TMEM59: variants seen among roughly 807,000 people sequenced by gnomAD.
TMEM59 encodes the protein dendritic cell factor 1.
A neutral mutation model predicts 42.2 loss-of-function variants in TMEM59; 44 were observed. The observed-to-expected ratio is 1.04, with a 90% CI of 0.82 to 1.34. The LOEUF (loss-of-function observed/expected upper bound fraction) is 1.34, where lower values mean the gene tolerates loss of function less well. TMEM59 is among the 40% of genes most tolerant of loss of function. TMEM59 has a pLI of 0.00. For missense variants in TMEM59, 359 were observed against 382.8 expected (o/e 0.94, Z 0.52); for synonymous variants, 148 against 145.8 (o/e 1.02, Z -0.11).
At chr1:54,038,628 G>A (rs978153921) in intron 6 of TMEM59, among the ~76,000 whole-genome samples, 2 of 152,116 alleles carry the variant, frequency 1.3e-5, no homozygotes, top group Non-Finnish European at 2.9e-5. Flanking sequence ...ATGTAATCAT[G>A]GAAAAATCAT....
At chr1:54,047,119 C>T (rs1569963851) in intron 2 of TMEM59, 148 bp downstream of exon 2, 5 of 602,284 alleles carry the variant, frequency 8.3e-6, no homozygotes, top group South Asian at 2.8e-5. Context: ...GCAGCAGCTA[C>T]GAAAACTCTT....
At chr1:54,042,290 G>A (rs769702286) in intron 4 of TMEM59, among the ~76,000 whole-genome samples, 5 of 151,990 alleles carry the variant, frequency 3.3e-5, no homozygotes, top group Middle Eastern at 3.2e-3. Flanking sequence ...TTTACATCTT[G>A]TGTATAGTTC....
chr1:54,046,835 T>G (rs1215943969), intron 2 of TMEM59, among the ~76,000 whole-genome samples: 1 of 152,266 alleles, frequency 6.6e-6, no homozygotes, highest in Non-Finnish European at 1.5e-5. Context: ...CTCTGGCTAC[T>G]TATTTTAATG....
At chr1:54,053,431 C>A (rs886083711), upstream of TMEM59, 1 of 535,452 alleles carries the variant, frequency 1.9e-6, no homozygotes, top group Admixed American at 3.4e-5. Context: ...TAGCGCGAAG[C>A]GGGGCCTCCT....
At chr1:54,037,616 C>T (rs1656994551) in intron 6 of TMEM59, among the ~76,000 whole-genome samples, 1 of 152,216 alleles carries the variant, frequency 6.6e-6, no homozygotes, top group Admixed American at 6.5e-5. Flanking sequence ...TCATCCAACA[C>T]TGCCTAGTAA....
chr1:54,045,742 G>C lies in TMEM59; in HGVS notation c.340C>G (p.His114Asp). 1 of 1,614,060 alleles carries C rather than the reference G, an allele frequency of 6.2e-7. No individual in the cohort carries two copies. Among genetic ancestry groups the C allele is most frequent in the Non-Finnish European group, 8.5e-7 (1 of 1,179,994 alleles). Residue 114 changes from histidine (H) to aspartate (D), a missense_variant, in exon 3 of 8, where the codon CAT becomes GAT. Transcript: ENST00000234831. ...YSQSDEQYACHLGCQNQLPFA... is the reference protein window; with the variant it reads ...YSQSDEQYACDLGCQNQLPFA... The stretch of plus-strand genomic sequence containing the variant: ...GGCAGCTGATTCTGGCAACCAAGAT[G>C]GCAAGCATATTGCTCATCAGATTGG...
chr1:54,039,101 G>A (rs957212276), intron 6 of TMEM59, among the ~76,000 whole-genome samples: 1 of 152,054 alleles, frequency 6.6e-6, no homozygotes, highest in South Asian at 2.1e-4. Flanking sequence ...TCCCACCTTG[G>A]CCTTCCAAAG....
intron 1 of TMEM59, among the ~76,000 whole-genome samples, chr1:54,049,113 G>A (rs1169763045): frequency 6.6e-6 from 1 of 152,056 alleles, no homozygotes; most frequent in East Asian, 1.9e-4. Context: ...TACCAATTTC[G>A]GAAAACCATA....
chr1:54,045,677 A>G lies in TMEM59; in HGVS notation c.390+15T>C, dbSNP rs79474653. 977 of 1,613,336 alleles carry G rather than the reference A, an allele frequency of 6.1e-4. 4 individuals are homozygous for G. The African/African-American group carries it at 0.012, about 19-fold the overall frequency. ...ATCTAAGCAGGCTAGTTTGAAAGGC[A>G]GTATTGTTTCGTACTTGTTCTTGTC... On this transcript the variant is annotated intron_variant, in intron 3 of 7. Transcript: ENST00000234831.
rs1328841998 is a variant in TMEM59, at chr1:54,028,150, T to G, written c.*4000A>C. 5 of 152,192 alleles carry G rather than the reference T, an allele frequency of 3.3e-5. No individual in the cohort carries two copies. The highest frequency in any genetic ancestry group is 6.5e-5 in the Admixed American group (1 of 15,272). 9.4% of individuals were successfully genotyped at this position (152,192 alleles called of 1,614,324 possible). ...GAGGATGGTGATAAGAAACCAGGGATCCATGGGGCAGCCTTCCCAGTTTGC... is the reference window on the plus strand; with the variant it reads ...GAGGATGGTGATAAGAAACCAGGGAGCCATGGGGCAGCCTTCCCAGTTTGC... On this transcript the variant is annotated 3_prime_UTR_variant, in exon 8 of 8. Coordinates refer to ENST00000234831, the MANE Select transcript of TMEM59 (RefSeq NM_004872.5).
chr1:54,036,146 T>C (rs768214098), intron 7 of TMEM59, among the ~76,000 whole-genome samples: 16 of 152,074 alleles, frequency 1.1e-4, no homozygotes, highest in Non-Finnish European at 2.1e-4. Context: ...TAGCTGGACA[T>C]GGTGGCGCAT....
At chr1:54,039,017 T>A (rs1282469501) in intron 6 of TMEM59, among the ~76,000 whole-genome samples, 1 of 152,168 alleles carries the variant, frequency 6.6e-6, no homozygotes, top group Non-Finnish European at 1.5e-5. Context: ...CTAATTTTTT[T>A]ATTTTTTGTA....
Position 54,047,479 on chromosome 1 carries a change from C to A in TMEM59, c.190-107G>T. 3 of 866,958 alleles carry A rather than the reference C, an allele frequency of 3.5e-6. No individual in the cohort carries two copies. The South Asian group carries it at 4.9e-5, about 14-fold the overall frequency. 53.7% of individuals were successfully genotyped at this position (866,958 alleles called of 1,614,324 possible). On this transcript the variant is annotated intron_variant, in intron 1 of 7. Coordinates refer to ENST00000234831, the MANE Select transcript of TMEM59 (RefSeq NM_004872.5). ...GTTAGTAAAGTTTATTACAAATCGT[C>A]CAGTAAGTTTCATAACTGAAAGAAA...
At chr1:54,044,829 T>G (rs189113165) in intron 3 of TMEM59, 1 of 152,238 alleles carries the variant, frequency 6.6e-6, no homozygotes, top group Admixed American at 6.5e-5. Context: ...CAGAATATTA[T>G]GTAGTAGAAA....
intron 7 of TMEM59, 59 bp from the exon 8 acceptor site, chr1:54,032,364 A>G (rs1368376827): frequency 7.2e-7 from 1 of 1,383,658 alleles, no homozygotes; most frequent in African/African-American, 1.5e-5. Flanking sequence ...TCTCCAAGTT[A>G]GTCTTTAAAT....
chr1:54,036,681 A>G lies in TMEM59; in HGVS notation c.745T>C (p.Ser249Pro). Residue 249 changes from serine to proline, a missense_variant, in exon 7 of 8, where the codon TCG becomes CCG. Coordinates refer to ENST00000234831, the MANE Select transcript of TMEM59 (RefSeq NM_004872.5). ...GWILTTTLVL[S>P]VMVLLWICCA... Reference sequence around the variant, plus strand: ...CAAATCCAAAGCAATACCATCACCGAGAGGACAAGAGTTGTAGTTAAAATC... The same window carrying G: ...CAAATCCAAAGCAATACCATCACCGGGAGGACAAGAGTTGTAGTTAAAATC... 1 of 1,611,058 alleles carries G rather than the reference A, an allele frequency of 6.2e-7. No individual in the cohort carries two copies. Among genetic ancestry groups the G allele is most frequent in the Non-Finnish European group, 8.5e-7 (1 of 1,178,644 alleles).
intron 1 of TMEM59, among the ~76,000 whole-genome samples, chr1:54,050,851 C>T (rs189915430): frequency 5.3e-5 from 8 of 151,978 alleles, no homozygotes; most frequent in African/African-American, 1.7e-4. Context: ...AGTGAGCCAC[C>T]GCGCCCGGCA....
rs2100292412 is a variant in TMEM59, at chr1:54,031,535, GT to G, written c.*614del. 6.5e-6 allele frequency: 1 copy of G among 152,722 alleles called. No individual in the cohort carries two copies. Among genetic ancestry groups the G allele is most frequent in the African/African-American group, 2.4e-5 (1 of 41,566 alleles). The allele number at this position is 152,722 out of a possible 1,614,324, so 9.5% of individuals were successfully genotyped here. A position where few individuals can be genotyped will look rare whatever the true frequency, so the allele number is the denominator to read the frequency against. On this transcript the variant is annotated 3_prime_UTR_variant, in exon 8 of 8. Transcript: ENST00000234831. ...CATCAAATGTACTGCTGAGAGATCA[GT>G]TTTGCATCAAAATGGTCCCTGACCA...
At chr1:54,040,990 C>T in intron 5 of TMEM59, 153 bp from the exon 6 acceptor site, 1 of 604,684 alleles carries the variant, frequency 1.7e-6, no homozygotes, top group Non-Finnish European at 2.9e-6. Flanking sequence ...TTCTCTAGCA[C>T]ATCAAAACCA....
Sources: allele counts gnomAD v4.1 joint callset (sites outside exome capture counted in the v4.1 genomes callset), GRCh38; gene constraint gnomAD v4.1.1; transcripts MANE v1.5; gene names NCBI Gene and HGNC (gene_info 2026-07-23, HGNC 2026-07-21).